Variants in PLAGL1 observed in about 807,000 individuals in gnomAD.
The protein encoded by PLAGL1 is PLAG1 like zinc finger 1, also known as zinc finger protein PLAGL1.
A neutral mutation model predicts 4.6 loss-of-function variants in PLAGL1; 1 was observed. The ratio of observed to expected loss-of-function variants is 0.22; its 90% confidence interval spans 0.08 to 1.03. The LOEUF (loss-of-function observed/expected upper bound fraction) is 1.03. PLAGL1 is among the 50% of genes least tolerant of loss of function. The pLI is 0.58. For synonymous variants in PLAGL1, 240 were observed against 237.8 expected (o/e 1.01, Z -0.08); for missense variants, 464 against 570.4 (o/e 0.81, Z 1.90).
rs1787478911 is a variant in PLAGL1, at chr6:143,979,692, A to G, written c.-544+5443T>C. On this transcript the variant is annotated intron_variant, in intron 2 of 7. Coordinates refer to ENST00000674357, the MANE Select transcript of PLAGL1 (RefSeq NM_001317162.2). The surrounding 1 kb of genome is among the most constrained non-coding windows in gnomAD (Gnocchi z 4.6). ...CCCATTTGCTATTTTTGTTTAAACCATCTTTTAAAAAATATTAATAATAAT... is the reference window on the plus strand; with the variant it reads ...CCCATTTGCTATTTTTGTTTAAACCGTCTTTTAAAAAATATTAATAATAAT... Among the ~76,000 whole-genome samples, 1 of 151,954 alleles carries G rather than the reference A, an allele frequency of 6.6e-6. No individual in the cohort carries two copies. Among genetic ancestry groups the G allele is most frequent in the Non-Finnish European group, 1.5e-5 (1 of 67,916 alleles).
chr6:144,009,884 T>C (rs1201454560), upstream of PLAGL1, among the ~76,000 whole-genome samples: 1 of 152,244 alleles, frequency 6.6e-6, no homozygotes, highest in Non-Finnish European at 1.5e-5. Context: ...TTCCATGGTG[T>C]ATATGTGCCA....
rs1434064407 is a variant in PLAGL1, at chr6:143,984,912, T to C, written c.-544+223A>G. On this transcript the variant is annotated intron_variant, in intron 2 of 7. Coordinates refer to ENST00000674357, the MANE Select transcript of PLAGL1 (RefSeq NM_001317162.2). The surrounding 1 kb of genome is among the most constrained non-coding windows in gnomAD (Gnocchi z 5.5). Reference sequence around the variant, plus strand: ...TAAGAAGTCACTATAAGGAAACAAATGCCCCTAGGCCAAGACATGTACTTC... The same window carrying C: ...TAAGAAGTCACTATAAGGAAACAAACGCCCCTAGGCCAAGACATGTACTTC... Among the ~76,000 whole-genome samples the C allele has an allele frequency of 6.6e-6, 1 of 152,138 alleles. No individual in the cohort carries two copies. Among genetic ancestry groups the C allele is most frequent in the Non-Finnish European group, 1.5e-5 (1 of 68,012 alleles).
rs903110955 is a variant in PLAGL1 at position 143,970,357 on chromosome 6, A to T, written c.-543-1379T>A. Among the ~76,000 whole-genome samples the T allele has an allele frequency of 6.6e-6, 1 of 152,250 alleles. No individual in the cohort carries two copies. The highest frequency in any genetic ancestry group is 1.5e-5 in the Non-Finnish European group (1 of 68,034). ...AGTAAACATTTAAACTACTGAAAAT[A>T]TACTAAGTATTTTAACAACCTCATT... On this transcript the variant is annotated intron_variant, in intron 2 of 7. Coordinates refer to ENST00000674357, the MANE Select transcript of PLAGL1 (RefSeq NM_001317162.2). This position sits in a 1 kb window ranked among gnomAD's most constrained non-coding sequence, Gnocchi z 5.8.
chr6:144,015,638 C>A lies in PLAGL1; in HGVS notation c.-150-46660G>T, dbSNP rs977234123. 6.6e-6 allele frequency among the ~76,000 whole-genome samples: 1 copy of A among 152,172 alleles called. No individual in the cohort carries two copies. Among genetic ancestry groups the A allele is most frequent in the Non-Finnish European group, 1.5e-5 (1 of 68,028 alleles). ...GAAGTCCAAGAATGACATTAAACAT[C>A]ATTTCCCCAATGATTAATGCAAATC... On this transcript the variant is annotated intron_variant, in intron 1 of 3. Transcript: ENST00000437412. This position sits in a 1 kb window ranked among gnomAD's most constrained non-coding sequence, Gnocchi z 4.3.
intron 1 of PLAGL1, among the ~76,000 whole-genome samples, chr6:144,018,372 G>A (rs1313984506): frequency 2.6e-5 from 4 of 152,180 alleles, no homozygotes; most frequent in Non-Finnish European, 5.9e-5. Flanking sequence ...GTTACCAGGG[G>A]CTGGCGGGGG....
In PLAGL1 at chr6:144,053,847, C is replaced by T. The variant is rs994926012; in HGVS notation, c.-151+10621G>A. Among the ~76,000 whole-genome samples, 1 of 152,192 alleles carries T rather than the reference C, an allele frequency of 6.6e-6. No individual in the cohort carries two copies. Among genetic ancestry groups the T allele is most frequent in the Non-Finnish European group, 1.5e-5 (1 of 68,038 alleles). On this transcript the variant is annotated intron_variant, in intron 1 of 3. Transcript: ENST00000437412. The surrounding 1 kb of genome is among the most constrained non-coding windows in gnomAD (Gnocchi z 4.0). ...GCAGCTACAATAAAATATGATGAAA[C>T]TTATTTGTCATCTCTGGGCTCAGCC...
intron 1 of PLAGL1, among the ~76,000 whole-genome samples, chr6:144,046,794 A>C (rs554686882): frequency 5.5e-4 from 83 of 152,276 alleles, no homozygotes; most frequent in African/African-American, 1.9e-3. Context: ...CCTGCCCCCA[A>C]AGGTGGAGTC....
intron 1 of PLAGL1, among the ~76,000 whole-genome samples, chr6:144,028,407 C>G (rs1363372920): frequency 6.6e-6 from 1 of 152,040 alleles, no homozygotes; most frequent in Non-Finnish European, 1.5e-5. Flanking sequence ...TAAACTGTAA[C>G]TCAGTAAAGC....
intron 1 of PLAGL1, among the ~76,000 whole-genome samples, chr6:143,988,580 G>C (rs1291126460): frequency 6.6e-6 from 1 of 152,186 alleles, no homozygotes; most frequent in African/African-American, 2.4e-5. Context: ...GAAAGCATTT[G>C]AAAATTCTAA....
chr6:144,000,863 C>T lies in PLAGL1; in HGVS notation c.-584+7227G>A, dbSNP rs968994262. ...ACTGGAAAAACATCCTTTAAAATGT[C>T]AGATATTTGTAATTCTTCATGTCAT... On this transcript the variant is annotated intron_variant, in intron 1 of 7. Transcript: ENST00000674357. The surrounding 1 kb of genome is among the most constrained non-coding windows in gnomAD (Gnocchi z 4.1). Among the ~76,000 whole-genome samples, 1 of 152,058 alleles carries T rather than the reference C, an allele frequency of 6.6e-6. No homozygotes were observed. The highest frequency in any genetic ancestry group is 2.4e-5 in the African/African-American group (1 of 41,422).
chr6:144,045,910 TTC>T (rs1236833091), intron 1 of PLAGL1, among the ~76,000 whole-genome samples: 1 of 152,224 alleles, frequency 6.6e-6, no homozygotes, highest in Non-Finnish European at 1.5e-5. Flanking sequence ...TTCTCTAAAC[TTC>T]TCTTCTCACT....
rs958982718 is a variant in PLAGL1, at chr6:143,958,708, A to C, written c.-325+1761T>G. Among the ~76,000 whole-genome samples, 2 of 152,218 alleles carry C rather than the reference A, an allele frequency of 1.3e-5. No homozygotes were observed. The highest frequency in any genetic ancestry group is 6.5e-5 in the Admixed American group (1 of 15,286). On this transcript the variant is annotated intron_variant, in intron 6 of 7. Coordinates refer to ENST00000674357, the MANE Select transcript of PLAGL1 (RefSeq NM_001317162.2). This position sits in a 1 kb window ranked among gnomAD's most constrained non-coding sequence, Gnocchi z 5.1. The stretch of plus-strand genomic sequence containing the variant: ...TCACTGGTCCTTTAAGATTATCCTG[A>C]TTCTTGATTTTTTCTTTTTAAACTG...
chr6:144,021,533 A>C (rs1031153267), intron 1 of PLAGL1, among the ~76,000 whole-genome samples: 3 of 152,206 alleles, frequency 2.0e-5, no homozygotes, highest in African/African-American at 7.2e-5. Flanking sequence ...AACTACATGG[A>C]GGAAGGATGT....
In PLAGL1 at chr6:143,978,151, T is replaced by C. The variant is rs1486549776; in HGVS notation, c.-544+6984A>G. On this transcript the variant is annotated intron_variant, in intron 2 of 7. Coordinates refer to ENST00000674357, the MANE Select transcript of PLAGL1 (RefSeq NM_001317162.2). This position sits in a 1 kb window ranked among gnomAD's most constrained non-coding sequence, Gnocchi z 4.6. ...CTTTTTATTTTGTTGATTTTCTCCATTGTTTTCCTGTTTTCAACTTTGTTG... is the reference window on the plus strand; with the variant it reads ...CTTTTTATTTTGTTGATTTTCTCCACTGTTTTCCTGTTTTCAACTTTGTTG... Among the ~76,000 whole-genome samples, 2 of 152,216 alleles carry C rather than the reference T, an allele frequency of 1.3e-5. No individual in the cohort carries two copies. Among genetic ancestry groups the C allele is most frequent in the Admixed American group, 6.5e-5 (1 of 15,284 alleles).
rs951108540 is a variant in PLAGL1, at chr6:143,960,809, A to G, written c.-398-267T>C. 3 of 152,230 alleles carry G rather than the reference A, an allele frequency of 2.0e-5. No individual in the cohort carries two copies. Among genetic ancestry groups the G allele is most frequent in the African/African-American group, 7.2e-5 (3 of 41,456 alleles). The allele number at this position is 152,230 out of a possible 1,614,324, so 9.4% of individuals were successfully genotyped here. A position where few individuals can be genotyped will look rare whatever the true frequency, so the allele number is the denominator to read the frequency against. On this transcript the variant is annotated intron_variant, in intron 5 of 7. Transcript: ENST00000674357. The surrounding 1 kb of genome is among the most constrained non-coding windows in gnomAD (Gnocchi z 5.7). ...AAAGAACACACAAAATTGCTTACATAATATATTCAGAACAGCACTCAGAGG... is the reference window on the plus strand; with the variant it reads ...AAAGAACACACAAAATTGCTTACATGATATATTCAGAACAGCACTCAGAGG...
intron 1 of PLAGL1, among the ~76,000 whole-genome samples, chr6:144,031,689 A>T (rs966569878): frequency 2.6e-5 from 4 of 152,104 alleles, no homozygotes; most frequent in African/African-American, 9.7e-5. Flanking sequence ...TGGGTTCTCT[A>T]GTCTTTTCCA....
In PLAGL1 at chr6:144,022,459, T is replaced by C. The variant is rs1466165678; in HGVS notation, c.-151+42009A>G. On this transcript the variant is annotated intron_variant, in intron 1 of 3. Coordinates refer to the PLAGL1 transcript ENST00000437412. This position sits in a 1 kb window ranked among gnomAD's most constrained non-coding sequence, Gnocchi z 4.2. ...GGAATGCAAAATGGTACAGCCACTT[T>C]GGAAGACAGTTTGGCAATTTATTAC... Among the ~76,000 whole-genome samples the C allele has an allele frequency of 6.6e-5, 10 of 152,248 alleles. No homozygotes were observed. In the East Asian group the frequency reaches 1.7e-3, roughly 26 times the overall value.
chr6:144,010,211 C>T (rs542736606), upstream of PLAGL1, among the ~76,000 whole-genome samples: 36 of 152,256 alleles, frequency 2.4e-4, no homozygotes, highest in Non-Finnish European at 4.3e-4. The surrounding 1 kb of genome is among the most constrained non-coding windows in gnomAD (Gnocchi z 4.1). Flanking sequence ...GATTATCATT[C>T]TAACTGGCAT....
intron 1 of PLAGL1, chr6:144,007,446 T>C (rs1034305112): frequency 1.3e-5 from 2 of 152,198 alleles, no homozygotes; most frequent in Non-Finnish European, 2.9e-5. Flanking sequence ...TTTTTATTGG[T>C]TTCCTAAAAC....
Sources: allele counts gnomAD v4.1 joint callset (sites outside exome capture counted in the v4.1 genomes callset), GRCh38; gene constraint gnomAD v4.1.1; non-coding constraint Gnocchi (gnomAD v3.1); transcripts MANE v1.5; gene names NCBI Gene and HGNC (gene_info 2026-07-23, HGNC 2026-07-21).